ZNF554: variants seen among roughly 807,000 people sequenced by gnomAD.
ZNF554 encodes the protein zinc finger protein 554.
A neutral mutation model predicts 21.2 loss-of-function variants in ZNF554; 15 were observed. The ratio of observed to expected loss-of-function variants is 0.71; its 90% CI spans 0.47 to 1.09. The LOEUF is 1.09. Among genes scored for constraint, ZNF554 ranks in the 50% least tolerant of loss-of-function variants. The probability of loss-of-function intolerance (pLI) is 0.00; values close to 1 mark genes in which losing one functional copy is unlikely to be tolerated. For synonymous variants in ZNF554, 258 were observed against 251.4 expected, an observed-to-expected ratio of 1.03 and a Z score of -0.25; for missense variants, 691 against 662.7, an observed-to-expected ratio of 1.04 and a Z score of -0.47.
intron 3 of ZNF554, among the ~76,000 whole-genome samples, chr19:2,828,935 G>T (rs2087374634): frequency 6.6e-6 from 1 of 152,142 alleles, no homozygotes; most frequent in African/African-American, 2.4e-5. Context: ...GACACGTGGG[G>T]ATTACGATTG....
At chr19:2,831,498 G>C (rs899010902) in intron 3 of ZNF554, 1 of 150,846 alleles carries the variant, frequency 6.6e-6, no homozygotes, top group Non-Finnish European at 1.5e-5. Flanking sequence ...GTTTCACCGT[G>C]TTAGCCAGGA....
At chr19:2,832,691 G>C (rs1181091390) in intron 4 of ZNF554, among the ~76,000 whole-genome samples, 197 bp downstream of exon 4, 1 of 152,114 alleles carries the variant, frequency 6.6e-6, no homozygotes, top group Admixed American at 6.6e-5. Flanking sequence ...ACAGAGAAAA[G>C]AGTATCTCAT....
Position 2,833,722 on chromosome 19 carries a change from A to G in ZNF554, c.487A>G (p.Lys163Glu), listed in dbSNP as rs1307040308. The G allele has an allele frequency of 1.9e-6, 3 of 1,544,826 alleles. No individual in the cohort carries two copies. The highest frequency in any genetic ancestry group is 1.7e-6 in the Non-Finnish European group (2 of 1,146,672). ...VLRNQDSTYKKVALQEEPASG... is the reference protein window; with the variant it reads ...VLRNQDSTYKEVALQEEPASG... ...AAGAAACCAAGACTCAACTTACAAGAAGGTGGCTTTGCAGGAGGAACCAGC... is the reference window on the plus strand; with the variant it reads ...AAGAAACCAAGACTCAACTTACAAGGAGGTGGCTTTGCAGGAGGAACCAGC... Residue 163 changes from lysine (K) to glutamate (E), a missense_variant, in exon 5 of 5, where the codon AAG becomes GAG. Coordinates refer to ENST00000317243, the MANE Select transcript of ZNF554 (RefSeq NM_001102651.2).
chr19:2,828,602 G>A (rs1316049564), intron 3 of ZNF554, among the ~76,000 whole-genome samples: 1 of 151,774 alleles, frequency 6.6e-6, no homozygotes, highest in Non-Finnish European at 1.5e-5. Context: ...GGGAGGCAGA[G>A]GTTGCAGGGT....
chr19:2,825,288 A>C (rs1225970076), intron 2 of ZNF554, among the ~76,000 whole-genome samples: 1 of 151,700 alleles, frequency 6.6e-6, no homozygotes, highest in Non-Finnish European at 1.5e-5. Flanking sequence ...TGCTGGGATT[A>C]CAGGTGTGAG....
intron 1 of ZNF554, among the ~76,000 whole-genome samples, chr19:2,820,497 C>T (rs1024726216): frequency 6.6e-6 from 1 of 152,164 alleles, no homozygotes; most frequent in African/African-American, 2.4e-5. Flanking sequence ...CGGGCGATGT[C>T]TGGGGACGTC....
At chr19:2,830,413 G>A (rs1395620534) in intron 3 of ZNF554, 1 of 152,160 alleles carries the variant, frequency 6.6e-6, no homozygotes, top group Non-Finnish European at 1.5e-5. Flanking sequence ...ACCAGTTGAT[G>A]GACGCCTGGG....
At chr19:2,823,522 G>A (rs569747814) in intron 2 of ZNF554, among the ~76,000 whole-genome samples, 6 of 152,294 alleles carry the variant, frequency 3.9e-5, no homozygotes, top group Non-Finnish European at 8.8e-5. Flanking sequence ...TTGTCTGGTC[G>A]AGTGTTCAGC....
intron 1 of ZNF554, among the ~76,000 whole-genome samples, chr19:2,820,552 G>A (rs1452881353): frequency 6.6e-6 from 1 of 152,166 alleles, no homozygotes; most frequent in Non-Finnish European, 1.5e-5. Flanking sequence ...GGAGTAGGTG[G>A]AGGCCAGGGA....
Position 2,823,020 on chromosome 19 carries a change from C to A in ZNF554, c.54-20C>A. 1 of 1,610,828 alleles carries A rather than the reference C, an allele frequency of 6.2e-7. No individual in the cohort carries two copies. The highest frequency in any genetic ancestry group is 8.5e-7 in the Non-Finnish European group (1 of 1,178,108). On this transcript the variant is annotated intron_variant, in intron 1 of 4. Transcript: ENST00000317243. ...ACTGGCCTGGATCTGGTATTCGCAGCGCCTTTTTCCTCCCCACAGCTCTGC... is the reference window on the plus strand; with the variant it reads ...ACTGGCCTGGATCTGGTATTCGCAGAGCCTTTTTCCTCCCCACAGCTCTGC...
chr19:2,832,334 G>C lies in ZNF554; in HGVS notation c.285G>C (p.Gly95=). ...TGAAGAACCAATGTACTGATGTGGG[G>C]ATTAAAGAGGGTCCACTTTCCCCAG... ...EALKNQCTDV[G]IKEGPLSPAQ... Residue 95 remains glycine, a synonymous_variant, in exon 4 of 5, where the codon GGG becomes GGC. Transcript: ENST00000317243. 6.2e-7 allele frequency: 1 copy of C among 1,611,776 alleles called. No homozygotes were observed. The highest frequency in any genetic ancestry group is 8.5e-7 in the Non-Finnish European group (1 of 1,179,094).
chr19:2,822,092 C>T lies in ZNF554; in HGVS notation c.54-948C>T, dbSNP rs552709109. Reference sequence around the variant, plus strand: ...TTGAGATAGAGTCTTGCTCCATTGCCCAGGCTGGAGTGCAGTGGCACAGTC... The same window carrying T: ...TTGAGATAGAGTCTTGCTCCATTGCTCAGGCTGGAGTGCAGTGGCACAGTC... On this transcript the variant is annotated intron_variant, in intron 1 of 4. Coordinates refer to ENST00000317243, the MANE Select transcript of ZNF554 (RefSeq NM_001102651.2). 5.3e-5 allele frequency among the ~76,000 whole-genome samples: 8 copies of T among 152,238 alleles called. 1 individual carries two copies. The South Asian group carries it at 1.7e-3, about 32-fold the overall frequency.
chr19:2,826,466 T>C (rs2087335699), intron 2 of ZNF554: 1 of 151,940 alleles, frequency 6.6e-6, no homozygotes, highest in East Asian at 1.9e-4. Flanking sequence ...CCTCCCAAAG[T>C]GCTAGGATTA....
rs1599552231 is a variant in ZNF554 at position 2,832,307 on chromosome 19, C to T, written c.258C>T (p.Ala86=). 2.5e-6 allele frequency: 4 copies of T among 1,578,734 alleles called. No homozygotes were observed. The East Asian group carries it at 9.0e-5, about 36-fold the overall frequency. ...ENYRNVVSLE[A]LKNQCTDVGI... ...GTATACTCTTGTCTTTTTCAGAAGC[C>T]TTGAAGAACCAATGTACTGATGTGG... Residue 86 remains alanine, a synonymous_variant, in exon 4 of 5, where the codon GCC becomes GCT. Transcript: ENST00000317243.
At chr19:2,831,593 C>CTTTTTTTTT (rs71179916) in intron 3 of ZNF554, 2 of 113,480 alleles carry the variant, frequency 1.8e-5, no homozygotes, top group African/African-American at 3.4e-5. Context: ...TGCACCCGCC[C>CTTTTTTTTT]TTTTTTTTTT....
At position 2,832,470 on chromosome 19, in the gene ZNF554, G is replaced by T; in HGVS notation, c.421G>T (p.Gly141Ter). Residue 141 changes from glycine (G) to a stop codon, truncating the protein, a stop_gained, in exon 4 of 5, where the codon GGA (glycine) becomes TGA (stop). Coordinates refer to ENST00000317243, the MANE Select transcript of ZNF554 (RefSeq NM_001102651.2). LOFTEE classifies it low-confidence loss of function (END_TRUNC). Reference protein sequence around the residue: ...QREALWIEEKGTPQASCSDWM... With the variant: ...QREALWIEEK The stretch of plus-strand genomic sequence containing the variant: ...AGAAGCCCTGTGGATAGAGGAAAAA[G>T]GAACTCCTCAAGCCTCCTGTTCAGG... 2 of 1,609,746 alleles carry T rather than the reference G, an allele frequency of 1.2e-6. No individual in the cohort carries two copies. Among genetic ancestry groups the T allele is most frequent in the Non-Finnish European group, 1.7e-6 (2 of 1,178,482 alleles).
In ZNF554 at chr19:2,835,610, A is replaced by AC. The variant is rs767427441; in HGVS notation, c.*759dup. 32 of 152,124 alleles carry AC rather than the reference A, an allele frequency of 2.1e-4. No homozygotes were observed. The highest frequency in any genetic ancestry group is 3.5e-4 in the Non-Finnish European group (24 of 68,024). 9.4% of individuals were successfully genotyped at this position (152,124 alleles called of 1,614,324 possible). On this transcript the variant is annotated 3_prime_UTR_variant, in exon 5 of 5. Transcript: ENST00000317243. ...AGCATGAGCCGCTGTGCCCAGCCTG[A>AC]CGGGGCCTTTTAGTGGGAGGAGTTG... is the stretch of plus-strand genomic sequence containing the variant.
Position 2,821,884 on chromosome 19 carries a change from C to T in ZNF554, c.54-1156C>T, listed in dbSNP as rs112896397. Among the ~76,000 whole-genome samples, 788 of 150,732 alleles carry T rather than the reference C, an allele frequency of 5.2e-3. 7 individuals are homozygous for T. Among genetic ancestry groups the T allele is most frequent in the African/African-American group, 0.018 (736 of 40,984 alleles). On this transcript the variant is annotated intron_variant, in intron 1 of 4. Transcript: ENST00000317243. This position sits in a 1 kb window ranked among gnomAD's most constrained non-coding sequence, Gnocchi z 8.2. ...TTTGCCATGTTGGCCAGGCTGGTCT[C>T]GAACTCCTGACCTCGTGGTCTGCCC...
At position 2,834,100 on chromosome 19, in the gene ZNF554, A is replaced by G; in HGVS notation, c.865A>G (p.Ile289Val). 6.2e-7 allele frequency: 1 copy of G among 1,614,106 alleles called. No homozygotes were observed. Among genetic ancestry groups the G allele is most frequent in the Non-Finnish European group, 8.5e-7 (1 of 1,180,034 alleles). Residue 289 changes from isoleucine (I) to valine (V), a missense_variant, in exon 5 of 5, where the codon ATT becomes GTT. Transcript: ENST00000317243. ...GNAIRQNSHF[I>V]QHGGKMFVYL... ...TGCCATCCGCCAGAACAGTCACTTT[A>G]TTCAACACGGGGGGAAGATGTTTGT...
Sources: allele counts gnomAD v4.1 joint callset (sites outside exome capture counted in the v4.1 genomes callset), GRCh38; gene constraint gnomAD v4.1.1; non-coding constraint Gnocchi (gnomAD v3.1); transcripts MANE v1.5; gene names NCBI Gene and HGNC (gene_info 2026-07-23, HGNC 2026-07-21).